The following USP34 variants were observed in gnomAD, a reference collection of about 807,000 sequenced individuals.
USP34 encodes ubiquitin specific peptidase 34, also known as ubiquitin carboxyl-terminal hydrolase 34.
In USP34, 70 loss-of-function variants were observed where a neutral mutation model predicts 460.3. The observed-to-expected ratio is 0.15, with a 90% CI of 0.13 to 0.19. The LOEUF (loss-of-function observed/expected upper bound fraction) is 0.19, where lower values mean the gene tolerates loss of function less well. Among genes scored for constraint, USP34 ranks in the 10% least tolerant of loss-of-function variants. The pLI is 1.00. For synonymous variants in USP34, 1,647 were observed against 1,405.3 expected, an observed-to-expected ratio of 1.17 and a Z score of -3.85; for missense variants, 3,985 against 4,236.2, an observed-to-expected ratio of 0.94 and a Z score of 1.65.
rs139645263 is a variant in USP34, at chr2:61,221,805, C to T, written c.7795-199G>A. 1.1e-3 allele frequency: 457 copies of T among 411,606 alleles called. 1 individual carries two copies. Among genetic ancestry groups the T allele is most frequent in the African/African-American group, 8.1e-3 (392 of 48,634 alleles). 25.5% of individuals were successfully genotyped at this position (411,606 alleles called of 1,614,324 possible). On this transcript the variant is annotated intron_variant, in intron 65 of 79. Transcript: ENST00000398571. ...GGGGTACAAAGTCAACCGGGAACCA[C>T]GTATGATAGATTTTTCTGGATGTCA... is the stretch of plus-strand genomic sequence containing the variant.
chr2:61,333,731 G>T (rs779466534), intron 19 of USP34, 151 bp downstream of exon 19: 32 of 450,656 alleles, frequency 7.1e-5, no homozygotes, highest in African/African-American at 4.9e-4. Flanking sequence ...CTCTACAGGG[G>T]TAAGTGGCAG....
At chr2:61,384,579 G>A (rs1471429090) in intron 5 of USP34, among the ~76,000 whole-genome samples, 3 of 152,036 alleles carry the variant, frequency 2.0e-5, no homozygotes, top group Non-Finnish European at 2.9e-5. Flanking sequence ...AGGTTGAGGT[G>A]GGAGATTCGC....
intron 1 of USP34, among the ~76,000 whole-genome samples, chr2:61,470,127 C>T (rs945205126): frequency 2.0e-5 from 3 of 152,200 alleles, no homozygotes; most frequent in Admixed American, 6.5e-5. Flanking sequence ...TAAGGTCTGG[C>T]TGAAGTGTTT....
chr2:61,188,090 C>T lies in USP34; in HGVS notation c.*12G>A, dbSNP rs759027175. 13 of 1,606,056 alleles carry T rather than the reference C, an allele frequency of 8.1e-6. No individual in the cohort carries two copies. Among genetic ancestry groups the T allele is most frequent in the Non-Finnish European group, 1.1e-5 (13 of 1,175,830 alleles). On this transcript the variant is annotated 3_prime_UTR_variant, in exon 80 of 80. Transcript: ENST00000398571. ...GGTGAGGGACTTAAAAGTAGACATG[C>T]TACACCTAATGTCAAGAAGCAGCTT...
At position 61,288,725 on chromosome 2, in the gene USP34, C is replaced by G. The variant is rs988242954; in HGVS notation, c.4701G>C (p.Lys1567Asn). Reference protein sequence around the residue: ...RKRTWPGKSRKAAGDHAKGLH... With the variant: ...RKRTWPGKSRNAAGDHAKGLH... The stretch of plus-strand genomic sequence containing the variant: ...GACCCTTAGCATGATCACCAGCAGC[C>G]TTCCTTGATTTGCCAGGCCAGGTTC... The change falls in exon 34 of 80, where the codon AAG becomes AAC. Residue 1567 changes from lysine to asparagine, a missense_variant. Coordinates refer to ENST00000398571, the MANE Select transcript of USP34 (RefSeq NM_014709.4). 6.8e-6 allele frequency: 11 copies of G among 1,614,036 alleles called. No homozygotes were observed. The highest frequency in any genetic ancestry group is 9.3e-6 in the Non-Finnish European group (11 of 1,179,948).
chr2:61,206,091 C>G lies in USP34; in HGVS notation c.9080G>C (p.Arg3027Pro). The G allele has an allele frequency of 6.2e-7, 1 of 1,613,704 alleles. No individual in the cohort carries two copies. Among genetic ancestry groups the G allele is most frequent in the Admixed American group, 1.7e-5 (1 of 60,016 alleles). Residue 3027 changes from arginine (R) to proline (P), a missense_variant, in exon 72 of 80, where the codon CGA becomes CCA. Transcript: ENST00000398571. ...TAACAGTTTATGGGCAAATTCAATTCGCTCCTGCCACTGGATTAATGCTTG... is the reference window on the plus strand; with the variant it reads ...TAACAGTTTATGGGCAAATTCAATTGGCTCCTGCCACTGGATTAATGCTTG... Reference protein sequence around the residue: ...VKQALIQWQERIEFAHKLLTL... With the variant: ...VKQALIQWQEPIEFAHKLLTL...
At chr2:61,422,877 C>G (rs1694402790) in intron 1 of USP34, among the ~76,000 whole-genome samples, 1 of 151,990 alleles carries the variant, frequency 6.6e-6, no homozygotes, top group Non-Finnish European at 1.5e-5. Context: ...GTGCACACCT[C>G]TGGTCCCAGC....
intron 27 of USP34, among the ~76,000 whole-genome samples, chr2:61,303,232 A>C (rs960073046): frequency 1.3e-5 from 2 of 151,556 alleles, no homozygotes; most frequent in African/African-American, 4.9e-5. Context: ...ACACTTAACT[A>C]ATTTTTGTAT....
intron 1 of USP34, among the ~76,000 whole-genome samples, chr2:61,459,116 C>T (rs1306664060): frequency 1.3e-5 from 2 of 152,098 alleles, no homozygotes; most frequent in African/African-American, 4.8e-5. Context: ...CCAAATAAAT[C>T]TCTCCACAGT....
intron 30 of USP34, among the ~76,000 whole-genome samples, chr2:61,296,366 T>C (rs1572909149): frequency 6.6e-6 from 1 of 152,202 alleles, no homozygotes; most frequent in African/African-American, 2.4e-5. Context: ...AAAAAAATTA[T>C]CACACAGATA....
intron 33 of USP34, among the ~76,000 whole-genome samples, chr2:61,291,975 T>C (rs1572905413): frequency 6.6e-6 from 1 of 152,274 alleles, no homozygotes; most frequent in Middle Eastern, 3.4e-3. Flanking sequence ...CCATATATTG[T>C]ATGGTTCCAT....
At position 61,348,500 on chromosome 2, in the gene USP34, G is replaced by C; in HGVS notation, c.1675-20C>G. 6.3e-7 allele frequency: 1 copy of C among 1,593,258 alleles called. No homozygotes were observed. The highest frequency in any genetic ancestry group is 8.5e-7 in the Non-Finnish European group (1 of 1,172,304). ...GGATTCCTGTATTTTGAAACAAATAGATTTAAATAAATATTTAAACCAGTA... is the reference window on the plus strand; with the variant it reads ...GGATTCCTGTATTTTGAAACAAATACATTTAAATAAATATTTAAACCAGTA... On this transcript the variant is annotated intron_variant, in intron 14 of 79. Transcript: ENST00000398571.
chr2:61,272,351 C>A (rs1196493563), intron 41 of USP34, among the ~76,000 whole-genome samples: 1 of 146,286 alleles, frequency 6.8e-6, no homozygotes, highest in Admixed American at 7.0e-5. Context: ...GCAGAGCTTG[C>A]AGTGAGCCAA....
chr2:61,239,967 C>T (rs1387696224), intron 53 of USP34, among the ~76,000 whole-genome samples: 3 of 149,310 alleles, frequency 2.0e-5, no homozygotes, highest in Non-Finnish European at 3.0e-5. Context: ...GCTGAGATCC[C>T]GTCACTGCAC....
At chr2:61,415,305 C>T (rs572968543) in intron 2 of USP34, among the ~76,000 whole-genome samples, 42 of 151,684 alleles carry the variant, frequency 2.8e-4, no homozygotes, top group Non-Finnish European at 5.4e-4. Flanking sequence ...AGTTTATGAG[C>T]GTTTGAGAGA....
intron 62 of USP34, among the ~76,000 whole-genome samples, chr2:61,224,327 T>C (rs1458700189): frequency 6.6e-6 from 1 of 152,204 alleles, no homozygotes; most frequent in Non-Finnish European, 1.5e-5. Context: ...GGTGCTGTCT[T>C]AACATGTTTC....
intron 1 of USP34, among the ~76,000 whole-genome samples, chr2:61,439,713 C>T (rs1694912463): frequency 6.6e-6 from 1 of 152,170 alleles, no homozygotes; most frequent in Admixed American, 6.5e-5. Flanking sequence ...AACAGACTTG[C>T]TGACCTGTGA....
At chr2:61,368,932 C>T (rs925197219) in intron 10 of USP34, among the ~76,000 whole-genome samples, 1 of 151,940 alleles carries the variant, frequency 6.6e-6, no homozygotes, top group African/African-American at 2.4e-5. Flanking sequence ...AAGTTGTAAT[C>T]ACAAACAAAA....
chr2:61,460,388 T>C (rs745314161), intron 1 of USP34, among the ~76,000 whole-genome samples: 1 of 152,184 alleles, frequency 6.6e-6, no homozygotes, highest in Non-Finnish European at 1.5e-5. Context: ...GTCCTGGTTA[T>C]CAGATCCACT....
Sources: gnomAD v4.1 joint callset for allele counts (sites outside exome capture counted in the v4.1 genomes callset) on GRCh38, gnomAD v4.1.1 for gene constraint, MANE v1.5 for transcripts, NCBI Gene and HGNC (gene_info 2026-07-23, HGNC 2026-07-21) for gene names.